The following PACRG variants were observed in gnomAD, a reference collection of about 807,000 sequenced individuals.
The protein encoded by PACRG is parkin coregulated, also known as parkin coregulated gene protein.
PACRG carries 29 observed loss-of-function variants against 29.7 expected under a neutral mutation model. The observed-to-expected ratio is 0.98, with a 90% CI of 0.73 to 1.33. The LOEUF is 1.33. Among genes scored for constraint, PACRG ranks in the 40% most tolerant of loss-of-function variants. PACRG has a pLI of 0.00. For synonymous variants in PACRG, 116 were observed against 118.7 expected (o/e 0.98, Z 0.15); for missense variants, 279 against 316.2 (o/e 0.88, Z 0.89).
intron 4 of PACRG, among the ~76,000 whole-genome samples, chr6:163,300,221 A>G (rs1293792870): frequency 6.6e-6 from 1 of 152,200 alleles, no homozygotes; most frequent in African/African-American, 2.4e-5. Context: ...TGCTTACCAG[A>G]GCATTTGCCT....
chr6:163,118,849 C>T (rs770772801), intron 4 of PACRG, among the ~76,000 whole-genome samples: 1 of 152,168 alleles, frequency 6.6e-6, no homozygotes, highest in Non-Finnish European at 1.5e-5. Flanking sequence ...CTCCTCTCAC[C>T]TCCTCTTTCC....
At chr6:163,158,633 G>A (rs1015269258) in intron 4 of PACRG, among the ~76,000 whole-genome samples, 1 of 152,166 alleles carries the variant, frequency 6.6e-6, no homozygotes, top group African/African-American at 2.4e-5. Flanking sequence ...ATGAGAAGAG[G>A]TAATAGCAAA....
At chr6:163,067,095 T>C (rs1290912046) in intron 3 of PACRG, among the ~76,000 whole-genome samples, 10 of 152,244 alleles carry the variant, frequency 6.6e-5, no homozygotes, top group Non-Finnish European at 1.0e-4. Context: ...CCTTTGACTT[T>C]AAGATCTAGG....
rs1418182807 is a variant in PACRG at position 162,793,335 on chromosome 6, G to A, written c.157-20812G>A. ...AGGGAACATGCCTAGGAATGCAATC[G>A]CTTGGCCACAGAATATGTACATTTT... is the stretch of plus-strand genomic sequence containing the variant. On this transcript the variant is annotated intron_variant, in intron 1 of 4. Coordinates refer to ENST00000366888, the MANE Select transcript of PACRG (RefSeq NM_001080379.2). 2.0e-5 allele frequency among the ~76,000 whole-genome samples: 3 copies of A among 152,252 alleles called. No individual in the cohort carries two copies. In the East Asian group the frequency reaches 5.8e-4, roughly 29 times the overall value.
intron 2 of PACRG, among the ~76,000 whole-genome samples, chr6:162,931,449 G>C (rs1374577490): frequency 2.0e-5 from 3 of 151,814 alleles, no homozygotes; most frequent in Non-Finnish European, 4.4e-5. Context: ...AAGTTTTATA[G>C]TTTTATGTTT....
At chr6:163,263,282 C>T (rs1156822222) in intron 4 of PACRG, among the ~76,000 whole-genome samples, 2 of 151,774 alleles carry the variant, frequency 1.3e-5, no homozygotes, top group Non-Finnish European at 2.9e-5. Flanking sequence ...GCCAACTAGA[C>T]TTGAACAGGC....
intron 4 of PACRG, among the ~76,000 whole-genome samples, chr6:163,243,423 C>T (rs746120969): frequency 6.6e-6 from 1 of 152,344 alleles, no homozygotes; most frequent in African/African-American, 2.4e-5. Context: ...CGTATGCCTG[C>T]ACCCCCAACA....
intron 2 of PACRG, among the ~76,000 whole-genome samples, chr6:162,837,904 A>C (rs1329393453): frequency 2.6e-5 from 4 of 152,182 alleles, no homozygotes. Flanking sequence ...ATTTAAATAA[A>C]TTATAGGTGA....
chr6:163,116,876 C>T (rs945196563), intron 4 of PACRG, among the ~76,000 whole-genome samples: 5 of 152,124 alleles, frequency 3.3e-5, no homozygotes, highest in Non-Finnish European at 5.9e-5. Context: ...ACACAGGAGA[C>T]GCAGGTGGTG....
At chr6:163,074,503 G>T (rs1812362832) in intron 3 of PACRG, among the ~76,000 whole-genome samples, 1 of 152,048 alleles carries the variant, frequency 6.6e-6, no homozygotes, top group Non-Finnish European at 1.5e-5. Context: ...GCAAAACAGG[G>T]TGACTATAGT....
chr6:163,174,495 G>A (rs542474698), intron 4 of PACRG, among the ~76,000 whole-genome samples: 62 of 152,294 alleles, frequency 4.1e-4, no homozygotes, highest in African/African-American at 1.4e-3. Flanking sequence ...TAGAGAGACT[G>A]TATAGAATCA....
At chr6:162,752,626 G>T (rs930136231) in intron 1 of PACRG, among the ~76,000 whole-genome samples, 1 of 152,188 alleles carries the variant, frequency 6.6e-6, no homozygotes, top group African/African-American at 2.4e-5. Flanking sequence ...ACAGAACATA[G>T]CATCTATGTA....
At chr6:162,897,940 G>T (rs767660324) in intron 2 of PACRG, among the ~76,000 whole-genome samples, 20 of 152,186 alleles carry the variant, frequency 1.3e-4, no homozygotes, top group Admixed American at 1.3e-3. Flanking sequence ...CCAGAACGAG[G>T]TGGTCACCCT....
intron 4 of PACRG, among the ~76,000 whole-genome samples, chr6:163,104,578 C>G (rs917269477): frequency 6.6e-6 from 1 of 152,174 alleles, no homozygotes; most frequent in African/African-American, 2.4e-5. Flanking sequence ...AGACCAGAGT[C>G]TCTGTGGGTC....
chr6:162,956,202 A>G (rs1043562692), intron 2 of PACRG, among the ~76,000 whole-genome samples: 1 of 152,158 alleles, frequency 6.6e-6, no homozygotes, highest in Non-Finnish European at 1.5e-5. Context: ...AGAGAACAAG[A>G]GCATTCGGTT....
At chr6:162,892,268 G>A (rs989668252) in intron 2 of PACRG, among the ~76,000 whole-genome samples, 2 of 152,182 alleles carry the variant, frequency 1.3e-5, no homozygotes, top group Non-Finnish European at 2.9e-5. Flanking sequence ...ACAGGCACCA[G>A]GCATTGTTGA....
Position 162,728,208 on chromosome 6 carries a change from T to A in PACRG, c.-28T>A. 1 of 1,607,808 alleles carries A rather than the reference T, an allele frequency of 6.2e-7. No individual in the cohort carries two copies. Among genetic ancestry groups the A allele is most frequent in the Non-Finnish European group, 8.5e-7 (1 of 1,177,052 alleles). ...CCCACTGATTCTTTTACTACACTTT[T>A]TATGAGAACAAGACATTTTCTAGGA... On this transcript the variant is annotated 5_prime_UTR_variant, in exon 1 of 5. Coordinates refer to ENST00000366888, the MANE Select transcript of PACRG (RefSeq NM_001080379.2).
chr6:163,040,889 G>C (rs1043974241), intron 2 of PACRG, among the ~76,000 whole-genome samples: 1 of 152,176 alleles, frequency 6.6e-6, no homozygotes, highest in Non-Finnish European at 1.5e-5. Context: ...TTGGACTTTT[G>C]AGTTAATGCT....
intron 2 of PACRG, among the ~76,000 whole-genome samples, chr6:162,878,683 T>G (rs1793578584): frequency 6.6e-6 from 1 of 152,156 alleles, no homozygotes. Context: ...AAATTTGAGA[T>G]TGTTCTAGGC....
Sources: gnomAD v4.1 joint callset for allele counts (sites outside exome capture counted in the v4.1 genomes callset) on GRCh38, gnomAD v4.1.1 for gene constraint, MANE v1.5 for transcripts, NCBI Gene and HGNC (gene_info 2026-07-23, HGNC 2026-07-21) for gene names.